The following MAPT variants were observed in gnomAD, a reference collection of about 807,000 sequenced individuals.
MAPT encodes the protein microtubule-associated protein tau.
A neutral mutation model predicts 67.9 loss-of-function variants in MAPT; 34 were observed. The observed-to-expected ratio is 0.50, with a 90% CI of 0.38 to 0.67. The LOEUF is 0.67. Among genes scored for constraint, MAPT ranks in the 30% least tolerant of loss-of-function variants. MAPT has a pLI of 0.00. For synonymous variants in MAPT, 456 were observed against 464.5 expected, an observed-to-expected ratio of 0.98 and a Z score of 0.23; for missense variants, 881 against 1,115.2, an observed-to-expected ratio of 0.79 and a Z score of 2.99.
At chr17:45,993,877 G>A in intron 8 of MAPT, 1 of 1,542,668 alleles carries the variant, frequency 6.5e-7, no homozygotes, top group Non-Finnish European at 8.8e-7. Context: ...TTAAGGCCCT[G>A]TTTAAGCCTG....
intron 2 of MAPT, among the ~76,000 whole-genome samples, chr17:45,964,407 C>T (rs1437185747): frequency 7.0e-6 from 1 of 143,516 alleles, no homozygotes; most frequent in Admixed American, 7.3e-5. Context: ...AGGCCGGGCG[C>T]GGTGGCTCAC....
chr17:45,973,252 G>A (rs1324783829), intron 3 of MAPT: 1 of 152,210 alleles, frequency 6.6e-6, no homozygotes, highest in Non-Finnish European at 1.5e-5. Flanking sequence ...TTAGCCTCAT[G>A]AGAATATCCA....
chr17:45,971,980 C>A lies in MAPT; in HGVS notation c.220+35C>A, dbSNP rs1205136729. ...CCTTCAGACGCCCCCTCCATGCCTC[C>A]AGCCTGTGCTTAGCCGTGCTTTGAG... On this transcript the variant is annotated intron_variant, in intron 3 of 12. Transcript: ENST00000262410. The surrounding 1 kb of genome is among the most constrained non-coding windows in gnomAD (Gnocchi z 4.3). The A allele has an allele frequency of 1.3e-6, 2 of 1,536,834 alleles. No homozygotes were observed. The highest frequency in any genetic ancestry group is 2.2e-5 in the South Asian group (2 of 89,434).
At chr17:46,012,188 C>T (rs1339901111) in intron 10 of MAPT, among the ~76,000 whole-genome samples, 1 of 152,222 alleles carries the variant, frequency 6.6e-6, no homozygotes, top group African/African-American at 2.4e-5. Flanking sequence ...GGAGGCTGTG[C>T]TGCTGAGGCG....
intron 1 of MAPT, among the ~76,000 whole-genome samples, chr17:45,954,306 A>T (rs866342735): frequency 3.3e-5 from 5 of 152,184 alleles, no homozygotes; most frequent in Admixed American, 1.3e-4. Context: ...TGGCCCACAA[A>T]GCCTTACAAT....
chr17:45,937,118 C>T (rs183379495), intron 1 of MAPT, among the ~76,000 whole-genome samples: 1 of 152,332 alleles, frequency 6.6e-6, no homozygotes, highest in East Asian at 1.9e-4. Context: ...TGACTCCCCT[C>T]CAGCACAGGC....
chr17:45,940,459 T>C (rs2067754133), intron 1 of MAPT, among the ~76,000 whole-genome samples: 1 of 152,226 alleles, frequency 6.6e-6, no homozygotes, highest in South Asian at 2.1e-4. Flanking sequence ...ATGTGTTGAA[T>C]TATCCCAAGT....
chr17:46,006,616 C>A (rs1210393998), intron 9 of MAPT, among the ~76,000 whole-genome samples: 1 of 151,910 alleles, frequency 6.6e-6, no homozygotes, highest in Non-Finnish European at 1.5e-5. Context: ...CCCGTCTCTA[C>A]TAAAAATACA....
At chr17:45,955,600 G>T (rs577643028) in intron 1 of MAPT, among the ~76,000 whole-genome samples, 1 of 152,322 alleles carries the variant, frequency 6.6e-6, no homozygotes, top group East Asian at 1.9e-4. Flanking sequence ...GCAGAGAAGG[G>T]GTGTTGGCAG....
Position 45,983,690 on chromosome 17 carries a change from G to A in MAPT, c.1111G>A (p.Asp371Asn), listed in dbSNP as rs1458717088. 6 of 1,614,136 alleles carry A rather than the reference G, an allele frequency of 3.7e-6. No homozygotes were observed. In the South Asian group the frequency reaches 5.5e-5, roughly 15 times the overall value. ...CAGTGTAGGGCGGGCCAAAGGGCAG[G>A]ATGCCCCCCTGGAGTTCACGTTTCA... Reference protein sequence around the residue: ...GPSVGRAKGQDAPLEFTFHVE... With the variant: ...GPSVGRAKGQNAPLEFTFHVE... The change falls in exon 5 of 13, where the codon GAT (aspartate) becomes AAT (asparagine). Residue 371 changes from aspartate to asparagine, a missense_variant. Physicochemically the swap from Asp to Asn is conservative, Grantham distance 23. Around this residue, in one of 6 missense-constraint regions of MAPT, gnomAD observed 687 missense variants for 766.1 expected, o/e 0.90. Transcript: ENST00000262410.
chr17:45,978,469 C>A, intron 4 of MAPT, 29 bp downstream of exon 4: 3 of 1,148,148 alleles, frequency 2.6e-6, no homozygotes, highest in Non-Finnish European at 3.8e-6. Flanking sequence ...CCTGCCATGA[C>A]TTGGGGGTTG....
At chr17:45,955,087 T>C (rs980549846) in intron 1 of MAPT, among the ~76,000 whole-genome samples, 11 of 152,266 alleles carry the variant, frequency 7.2e-5, no homozygotes, top group Non-Finnish European at 1.5e-4. Context: ...GAGTCACCAG[T>C]TAGTAAAACG....
Position 45,996,270 on chromosome 17 carries a change from C to T in MAPT, c.1733-129C>T. 9.8e-7 allele frequency: 1 copy of T among 1,021,474 alleles called. No individual in the cohort carries two copies. Among genetic ancestry groups the T allele is most frequent in the South Asian group, 1.3e-5 (1 of 76,288 alleles). The allele number at this position is 1,021,474 out of a possible 1,614,324, so 63.3% of individuals were successfully genotyped here. ...GCAGCCGTCTGCTGTAGCTGCGCTT[C>T]CAACCTGGCTTCCACCTGCCTAACC... On this transcript the variant is annotated intron_variant, in intron 8 of 12. Transcript: ENST00000262410. This position sits in a 1 kb window ranked among gnomAD's most constrained non-coding sequence, Gnocchi z 4.5.
intron 9 of MAPT, among the ~76,000 whole-genome samples, chr17:46,004,435 C>G (rs1033262606): frequency 2.6e-5 from 4 of 152,200 alleles, no homozygotes; most frequent in African/African-American, 9.6e-5. Flanking sequence ...TCTCCCCTGA[C>G]TAGGAGTTCC....
chr17:45,942,802 C>T (rs1442339047), intron 1 of MAPT, among the ~76,000 whole-genome samples: 1 of 152,238 alleles, frequency 6.6e-6, no homozygotes, highest in Non-Finnish European at 1.5e-5. Flanking sequence ...GTTCTGAACA[C>T]TTGACATGTA....
In MAPT at chr17:45,982,893, G is replaced by A; in HGVS notation, c.314G>A (p.Arg105Lys). The A allele has an allele frequency of 7.5e-7, 1 of 1,328,738 alleles. No homozygotes were observed. The highest frequency in any genetic ancestry group is 9.6e-7 in the Non-Finnish European group (1 of 1,040,582). 82.3% of individuals were successfully genotyped at this position (1,328,738 alleles called of 1,614,324 possible). The change falls in exon 5 of 13, where the codon AGG becomes AAG. Residue 105 changes from arginine to lysine, a missense_variant. Physicochemically the swap from Arg to Lys is conservative, Grantham distance 26. Around this residue, in one of 6 missense-constraint regions of MAPT, gnomAD observed 687 missense variants for 766.1 expected, o/e 0.90. Coordinates refer to ENST00000262410, the MANE Select transcript of MAPT (RefSeq NM_001377265.1). ...QEELRVPGRQ[R>K]KAPERPLANE... ...GAGTTGAGAGTTCCGGGCCGGCAGA[G>A]GAAGGCGCCTGAAAGGCCCCTGGCC...
Position 46,024,331 on chromosome 17 carries a change from C to T in MAPT, c.*160C>T. On this transcript the variant is annotated 3_prime_UTR_variant, in exon 13 of 13. Transcript: ENST00000262410. Reference sequence around the variant, plus strand: ...ACCTGCTTTTGTCACTCGGCTTTGGCTCGGGACTTCAAAATCAGTGATGGG... The same window carrying T: ...ACCTGCTTTTGTCACTCGGCTTTGGTTCGGGACTTCAAAATCAGTGATGGG... The T allele has an allele frequency of 2.9e-6, 2 of 693,898 alleles. No individual in the cohort carries two copies. 43.0% of individuals were successfully genotyped at this position (693,898 alleles called of 1,614,324 possible).
At chr17:45,926,026 C>T (rs2066254793) in intron 1 of MAPT, among the ~76,000 whole-genome samples, 2 of 152,018 alleles carry the variant, frequency 1.3e-5, no homozygotes, top group African/African-American at 4.8e-5. Flanking sequence ...GCCTGGCCAA[C>T]ATGGTGAAAC....
In MAPT at chr17:45,971,928, G is replaced by C. The variant is rs1447868249; in HGVS notation, c.203G>C (p.Ser68Thr). Reference protein sequence around the residue: ...EPGSETSDAKSTPTAEAEEAG... With the variant: ...EPGSETSDAKTTPTAEAEEAG... ...GGCTCTGAAACCTCTGATGCTAAGAGCACTCCAACAGCGGAAGGTGGGCCC... is the reference window on the plus strand; with the variant it reads ...GGCTCTGAAACCTCTGATGCTAAGACCACTCCAACAGCGGAAGGTGGGCCC... The change falls in exon 3 of 13, where the codon AGC becomes ACC. Residue 68 changes from serine to threonine, a missense_variant. By Grantham distance (58) the Ser-to-Thr change is moderately conservative. Transcript: ENST00000262410. The surrounding 1 kb of genome is among the most constrained non-coding windows in gnomAD (Gnocchi z 4.3). The C allele has an allele frequency of 3.1e-6, 5 of 1,613,976 alleles. No individual in the cohort carries two copies. The highest frequency in any genetic ancestry group is 1.1e-5 in the South Asian group (1 of 91,084).
Sources: gnomAD v4.1 joint callset for allele counts (sites outside exome capture counted in the v4.1 genomes callset) on GRCh38, gnomAD v4.1.1 for gene constraint, gnomAD v4.1.1 regional missense constraint, Gnocchi (gnomAD v3.1) non-coding constraint, MANE v1.5 for transcripts, NCBI Gene and HGNC (gene_info 2026-07-23, HGNC 2026-07-21) for gene names.